NOS1AP: variants seen among roughly 807,000 people sequenced by gnomAD.
The protein encoded by NOS1AP is nitric oxide synthase 1 adaptor protein.
In NOS1AP, 21 loss-of-function variants were observed where a neutral mutation model predicts 56.2. The observed-to-expected ratio is 0.37, with a 90% confidence interval of 0.26 to 0.54. The LOEUF is 0.54. Ranked by LOEUF, NOS1AP falls within the 20% of genes least tolerant of loss-of-function variation. The probability of loss-of-function intolerance (pLI) is 0.84; values close to 1 mark genes in which losing one functional copy is unlikely to be tolerated. For missense variants in NOS1AP, 522 were observed against 657.8 expected, an observed-to-expected ratio of 0.79 and a Z score of 2.26; for synonymous variants, 270 against 274.6, an observed-to-expected ratio of 0.98 and a Z score of 0.17.
intron 2 of NOS1AP, among the ~76,000 whole-genome samples, chr1:162,211,661 G>A (rs533976014): frequency 6.6e-6 from 1 of 152,102 alleles, no homozygotes; most frequent in Non-Finnish European, 1.5e-5. Context: ...CTTCCTGTCC[G>A]AACTCTTTCT....
chr1:162,366,940 T>C, intron 9 of NOS1AP, 112 bp from the exon 10 acceptor site: 4 of 1,234,130 alleles, frequency 3.2e-6, no homozygotes, highest in Non-Finnish European at 4.8e-6. Flanking sequence ...GAGGTGCTGC[T>C]AAGCTGGTCT....
intron 1 of NOS1AP, among the ~76,000 whole-genome samples, chr1:162,093,694 A>G (rs1451519359): frequency 6.6e-6 from 1 of 150,512 alleles, no homozygotes; most frequent in Non-Finnish European, 1.5e-5. Context: ...AGCTGGGACC[A>G]CAGGCATGCA....
intron 2 of NOS1AP, among the ~76,000 whole-genome samples, chr1:162,280,580 G>A (rs183773432): frequency 1.9e-4 from 29 of 152,278 alleles, no homozygotes; most frequent in Non-Finnish European, 2.9e-5. Flanking sequence ...TTTTTATCAA[G>A]TATTCCAAAT....
chr1:162,074,044 A>G (rs1483527894), intron 1 of NOS1AP, among the ~76,000 whole-genome samples: 2 of 152,216 alleles, frequency 1.3e-5, no homozygotes, highest in South Asian at 2.1e-4. Context: ...AGTATTAATA[A>G]TAGTTATATC....
rs564446933 is a variant in NOS1AP at position 162,090,861 on chromosome 1, G to A, written c.105+20579G>A. Among the ~76,000 whole-genome samples the A allele has an allele frequency of 4.6e-5, 7 of 151,598 alleles. No homozygotes were observed. The South Asian group carries it at 1.3e-3, about 27-fold the overall frequency. ...AGCTTATTTAAAAATATGTCTTTTT[G>A]GCATGCTTTCACTATCACATATTTC... is the stretch of plus-strand genomic sequence containing the variant. On this transcript the variant is annotated intron_variant, in intron 1 of 9. Coordinates refer to ENST00000361897, the MANE Select transcript of NOS1AP (RefSeq NM_014697.3).
chr1:162,155,527 A>C (rs1649936290), intron 2 of NOS1AP, among the ~76,000 whole-genome samples: 1 of 151,664 alleles, frequency 6.6e-6, no homozygotes, highest in African/African-American at 2.4e-5. Flanking sequence ...GATTTGAACA[A>C]AATTTTATTG....
chr1:162,114,246 G>A (rs994860285), intron 1 of NOS1AP, among the ~76,000 whole-genome samples: 5 of 151,744 alleles, frequency 3.3e-5, no homozygotes, highest in African/African-American at 4.8e-5. Context: ...GACGAATAGG[G>A]GATATATATA....
chr1:162,104,332 C>G (rs1647414503), intron 1 of NOS1AP, among the ~76,000 whole-genome samples: 1 of 152,078 alleles, frequency 6.6e-6, no homozygotes, highest in Admixed American at 6.6e-5. Flanking sequence ...CTCTGGCTGC[C>G]CTTAACATTT....
intron 2 of NOS1AP, among the ~76,000 whole-genome samples, chr1:162,262,160 C>T (rs1022848572): frequency 1.7e-4 from 26 of 152,106 alleles, no homozygotes; most frequent in South Asian, 2.1e-4. Context: ...GTCTGACACC[C>T]GTTTTGGTTT....
chr1:162,094,978 C>G (rs1288750575), intron 1 of NOS1AP, among the ~76,000 whole-genome samples: 1 of 152,178 alleles, frequency 6.6e-6, no homozygotes, highest in Non-Finnish European at 1.5e-5. Context: ...GGCTTTAAGT[C>G]CACTCACACT....
At chr1:162,333,776 T>A (rs1373244607) in intron 5 of NOS1AP, among the ~76,000 whole-genome samples, 1 of 152,208 alleles carries the variant, frequency 6.6e-6, no homozygotes, top group Non-Finnish European at 1.5e-5. Flanking sequence ...CTAAATGTGT[T>A]CTGTAAAACA....
At chr1:162,260,690 G>A (rs1654180353) in intron 2 of NOS1AP, among the ~76,000 whole-genome samples, 2 of 152,148 alleles carry the variant, frequency 1.3e-5, no homozygotes, top group Non-Finnish European at 2.9e-5. Flanking sequence ...TAAACTCTTA[G>A]TGATCACACC....
At chr1:162,365,072 A>C in intron 8 of NOS1AP, 2 of 1,270,848 alleles carry the variant, frequency 1.6e-6, no homozygotes, top group East Asian at 3.8e-5. Context: ...GTGTGTGTGT[A>C]TATGTGCACG....
chr1:162,130,691 T>C (rs902133119), intron 1 of NOS1AP, among the ~76,000 whole-genome samples: 11 of 152,206 alleles, frequency 7.2e-5, no homozygotes, highest in Non-Finnish European at 1.5e-4. Context: ...TCACCTAGTC[T>C]AGCATTTTAA....
At chr1:162,337,062 C>A (rs1480747259) in intron 5 of NOS1AP, among the ~76,000 whole-genome samples, 1 of 152,218 alleles carries the variant, frequency 6.6e-6, no homozygotes, top group African/African-American at 2.4e-5. Flanking sequence ...AAGACTCTTG[C>A]ATGGTCTCTT....
In NOS1AP at chr1:162,369,719, G is replaced by T. The variant is rs1270596650; in HGVS notation, c.*2252G>T. The T allele has an allele frequency of 6.6e-6, 1 of 152,342 alleles. No homozygotes were observed. The highest frequency in any genetic ancestry group is 1.5e-5 in the Non-Finnish European group (1 of 68,124). 9.4% of individuals were successfully genotyped at this position (152,342 alleles called of 1,614,324 possible). ...CCTGCCCTTGGGGTGTTCCATGGTG[G>T]TTTCTTCCTGCCTGGGCGCCACCCT... On this transcript the variant is annotated 3_prime_UTR_variant, in exon 10 of 10. Transcript: ENST00000361897.
chr1:162,267,054 T>C (rs1654446259), intron 2 of NOS1AP, among the ~76,000 whole-genome samples: 1 of 152,202 alleles, frequency 6.6e-6, no homozygotes, highest in Admixed American at 6.5e-5. Context: ...TTGCCTGTGG[T>C]AATGATCAAA....
At chr1:162,231,882 C>A (rs1653135373) in intron 2 of NOS1AP, among the ~76,000 whole-genome samples, 1 of 152,128 alleles carries the variant, frequency 6.6e-6, no homozygotes, top group Admixed American at 6.5e-5. Context: ...AAACAGAAAC[C>A]ACCTATGTAT....
chr1:162,331,573 G>A (rs569842153), intron 4 of NOS1AP, among the ~76,000 whole-genome samples: 32 of 152,294 alleles, frequency 2.1e-4, no homozygotes, highest in East Asian at 1.2e-3. Context: ...TGGCAAAGTC[G>A]TAGATGAAGT....
Sources: gnomAD v4.1 joint callset for allele counts (sites outside exome capture counted in the v4.1 genomes callset) on GRCh38, gnomAD v4.1.1 for gene constraint, MANE v1.5 for transcripts, NCBI Gene and HGNC (gene_info 2026-07-23, HGNC 2026-07-21) for gene names.